The following ABCA13 variants were observed in gnomAD, a reference collection of about 807,000 sequenced individuals.
The protein encoded by ABCA13 is ATP-binding cassette sub-family A member 13.
Under a neutral mutation model 478.7 loss-of-function variants are expected in ABCA13, and 476 were observed. That is an observed-to-expected ratio of 0.99 (90% confidence interval 0.92 to 1.07). The LOEUF (loss-of-function observed/expected upper bound fraction) is 1.07, where lower values mean the gene tolerates loss of function less well. ABCA13 is among the 50% of genes least tolerant of loss of function. ABCA13 has a pLI of 0.00. For synonymous variants in ABCA13, 2,252 were observed against 2,158.9 expected (o/e 1.04, Z -1.20); for missense variants, 6,060 against 5,910.6 (o/e 1.03, Z -0.83).
chr7:48,245,563 T>G lies in ABCA13; in HGVS notation c.1442T>G (p.Leu481Arg), dbSNP rs1464043727. 8 of 1,613,390 alleles carry G rather than the reference T, an allele frequency of 5.0e-6. No homozygotes were observed. The highest frequency in any genetic ancestry group is 5.9e-6 in the Non-Finnish European group (7 of 1,179,712). Residue 481 changes from leucine (L) to arginine (R), a missense_variant, in exon 12 of 62, where the codon CTT becomes CGT. Physicochemically the swap from Leu to Arg is moderately radical, Grantham distance 102. This residue lies in a region of ABCA13 where 4,423 missense variants were observed against 4,309.1 expected (regional missense o/e 1.03). Coordinates refer to ENST00000435803, the MANE Select transcript of ABCA13 (RefSeq NM_152701.5). Reference sequence around the variant, plus strand: ...GCTAATGATTTTAAATGGTTTGAACTTAACCAATTGAAACTGGAAAAGGAT... The same window carrying G: ...GCTAATGATTTTAAATGGTTTGAACGTAACCAATTGAAACTGGAAAAGGAT... Reference protein sequence around the residue: ...TSANDFKWFELNQLKLEKDVF... With the variant: ...TSANDFKWFERNQLKLEKDVF...
At chr7:48,265,304 T>G (rs1794729325) in intron 15 of ABCA13, among the ~76,000 whole-genome samples, 1 of 151,642 alleles carries the variant, frequency 6.6e-6, no homozygotes, top group South Asian at 2.1e-4. Flanking sequence ...TTTTAGAATC[T>G]GCTTGTCAGT....
intron 55 of ABCA13, among the ~76,000 whole-genome samples, chr7:48,563,970 C>G (rs1786753687): frequency 6.6e-6 from 1 of 152,058 alleles, no homozygotes; most frequent in Admixed American, 6.6e-5. Flanking sequence ...ACTATATTAA[C>G]TCTTCAGTAT....
intron 58 of ABCA13, among the ~76,000 whole-genome samples, chr7:48,602,994 G>T (rs538774986): frequency 6.6e-6 from 1 of 152,198 alleles, no homozygotes; most frequent in African/African-American, 2.4e-5. Context: ...TGTAGCAATT[G>T]TGAATGGGAG....
intron 61 of ABCA13, among the ~76,000 whole-genome samples, chr7:48,645,196 G>A (rs1035026880): frequency 6.6e-6 from 1 of 152,046 alleles, no homozygotes; most frequent in African/African-American, 2.4e-5. Flanking sequence ...GAACTTCTAG[G>A]TGATTTATTA....
chr7:48,407,235 C>T (rs972920831), intron 39 of ABCA13, among the ~76,000 whole-genome samples: 8 of 151,936 alleles, frequency 5.3e-5, no homozygotes, highest in South Asian at 4.2e-4. Flanking sequence ...GCACTTTGGG[C>T]GGCCGAGAGA....
chr7:48,590,669 A>G (rs1042755682), intron 57 of ABCA13, among the ~76,000 whole-genome samples: 2 of 152,102 alleles, frequency 1.3e-5, no homozygotes, highest in African/African-American at 4.8e-5. Context: ...CCTTTTAACA[A>G]TAGCCATTCT....
At chr7:48,417,300 T>C (rs1032166409) in intron 41 of ABCA13, among the ~76,000 whole-genome samples, 2 of 152,144 alleles carry the variant, frequency 1.3e-5, no homozygotes, top group African/African-American at 4.8e-5. Flanking sequence ...TATGCCTCAA[T>C]CTTTTCAACA....
At chr7:48,448,624 C>G (rs1325375142) in intron 42 of ABCA13, among the ~76,000 whole-genome samples, 1 of 152,038 alleles carries the variant, frequency 6.6e-6, no homozygotes, top group African/African-American at 2.4e-5. Flanking sequence ...TGACATGTAG[C>G]ATTTTTCTTT....
intron 55 of ABCA13, among the ~76,000 whole-genome samples, chr7:48,555,629 G>T (rs972384566): frequency 6.6e-6 from 1 of 151,646 alleles, no homozygotes; most frequent in Non-Finnish European, 1.5e-5. Context: ...AGCCACTAAT[G>T]ATCCTTTGAA....
rs1202771926 is a variant in ABCA13, at chr7:48,528,326, A to C, written c.14335A>C (p.Ile4779Leu). Residue 4779 changes from isoleucine to leucine, a missense_variant, in exon 55 of 62, where the codon ATC (isoleucine) becomes CTC (leucine). By Grantham distance (5) the Ile-to-Leu change is conservative (BLOSUM62 2). This residue lies in a region of ABCA13 where 1,627 missense variants were observed against 1,571.0 expected (regional missense o/e 1.04). Coordinates refer to ENST00000435803, the MANE Select transcript of ABCA13 (RefSeq NM_152701.5). ...AGTTTCTCTAACTTCAGGACATGCT[A>C]TCATCAGGACTCCCATGGGGTAAGA... ...GEVSLTSGHA[I>L]IRTPMGDAVD... 5 of 1,565,540 alleles carry C rather than the reference A, an allele frequency of 3.2e-6. No individual in the cohort carries two copies. In the Admixed American group the frequency reaches 9.4e-5, roughly 30 times the overall value.
At chr7:48,602,590 T>C (rs1256954914) in intron 58 of ABCA13, among the ~76,000 whole-genome samples, 1 of 152,218 alleles carries the variant, frequency 6.6e-6, no homozygotes, top group Non-Finnish European at 1.5e-5. Flanking sequence ...TATATATCTG[T>C]ATTGGTACCA....
At chr7:48,456,808 G>GTTT (rs34154306) in intron 43 of ABCA13, among the ~76,000 whole-genome samples, 1 of 148,424 alleles carries the variant, frequency 6.7e-6, no homozygotes, top group East Asian at 2.0e-4. Context: ...TTATTTATTT[G>GTTT]TTTTTTTTTT....
intron 56 of ABCA13, among the ~76,000 whole-genome samples, chr7:48,583,632 G>A (rs1257422612): frequency 1.3e-5 from 2 of 152,186 alleles, no homozygotes; most frequent in African/African-American, 4.8e-5. Context: ...CAAAACAAAT[G>A]CATCCCAGTA....
chr7:48,389,374 A>C (rs980922945), intron 37 of ABCA13, among the ~76,000 whole-genome samples, 154 bp downstream of exon 37: 1 of 152,188 alleles, frequency 6.6e-6, no homozygotes, highest in African/African-American at 2.4e-5. Context: ...AGAGCCCCTC[A>C]TGAGTGCCCG....
intron 34 of ABCA13, among the ~76,000 whole-genome samples, chr7:48,375,964 T>C (rs892997829): frequency 1.6e-4 from 24 of 152,184 alleles, no homozygotes; most frequent in Non-Finnish European, 3.4e-4. Flanking sequence ...TCTTAAGTTG[T>C]ATGTTAATCC....
At chr7:48,334,998 C>G (rs1281474860) in intron 27 of ABCA13, among the ~76,000 whole-genome samples, 1 of 152,184 alleles carries the variant, frequency 6.6e-6, no homozygotes. Context: ...CCAGTGTACT[C>G]TGCCAGTAGC....
At chr7:48,368,428 A>G (rs1020005812) in intron 32 of ABCA13, among the ~76,000 whole-genome samples, 2 of 151,812 alleles carry the variant, frequency 1.3e-5, no homozygotes, top group African/African-American at 2.4e-5. Flanking sequence ...TGTACCCTGT[A>G]CCCAGTGTAT....
chr7:48,551,306 G>A (rs145051474), intron 55 of ABCA13, among the ~76,000 whole-genome samples: 20 of 151,900 alleles, frequency 1.3e-4, no homozygotes, highest in African/African-American at 4.6e-4. Context: ...ATAGAATTTG[G>A]TGAGGCAATA....
chr7:48,312,372 A>G (rs555857214), intron 24 of ABCA13, among the ~76,000 whole-genome samples: 3 of 152,190 alleles, frequency 2.0e-5, no homozygotes, highest in Non-Finnish European at 2.9e-5. Flanking sequence ...TCCTGTTGCT[A>G]TTTTATGCCC....
Sources: gnomAD v4.1 joint callset for allele counts (sites outside exome capture counted in the v4.1 genomes callset) on GRCh38, gnomAD v4.1.1 for gene constraint, gnomAD v4.1.1 regional missense constraint, MANE v1.5 for transcripts, NCBI Gene and HGNC (gene_info 2026-07-23, HGNC 2026-07-21) for gene names.